The following PRELID2 variants were observed in gnomAD, a reference collection of about 807,000 sequenced individuals.
PRELID2 encodes the protein PRELI domain containing 2.
A neutral mutation model predicts 28.4 loss-of-function variants in PRELID2; 25 were observed. The observed-to-expected ratio is 0.88, with a 90% CI of 0.64 to 1.23. The LOEUF is 1.23. Among genes scored for constraint, PRELID2 ranks in the 50% most tolerant of loss-of-function variants. PRELID2 has a pLI of 0.00. For synonymous variants in PRELID2, 76 were observed against 71.6 expected, an observed-to-expected ratio of 1.06 and a Z score of -0.31; for missense variants, 201 against 214.4, an observed-to-expected ratio of 0.94 and a Z score of 0.39.
chr5:145,424,423 G>T, the PRELID2 span, among the ~76,000 whole-genome samples: 1 of 152,220 alleles, frequency 6.6e-6, no homozygotes, highest in Non-Finnish European at 1.5e-5. Context: ...GCCAGGTGCG[G>T]GATATAATCT....
chr5:145,450,392 C>T, the PRELID2 span, among the ~76,000 whole-genome samples: 24 of 152,134 alleles, frequency 1.6e-4, no homozygotes, highest in East Asian at 4.7e-3. Flanking sequence ...TAGCAGAAAG[C>T]CATGGTGGAA....
the PRELID2 span, among the ~76,000 whole-genome samples, chr5:145,245,546 C>A: frequency 6.6e-6 from 1 of 152,044 alleles, no homozygotes; most frequent in South Asian, 2.1e-4. Context: ...CAATTCCATT[C>A]CCTAGGGTGC....
the PRELID2 span, among the ~76,000 whole-genome samples, chr5:145,297,831 A>T: frequency 1.3e-5 from 2 of 151,980 alleles, no homozygotes; most frequent in African/African-American, 4.8e-5. Context: ...AATAACAGAC[A>T]AACAGAGAGC....
chr5:145,711,529 A>T (rs1755695131), intron 1 of PRELID2, among the ~76,000 whole-genome samples: 1 of 152,094 alleles, frequency 6.6e-6, no homozygotes, highest in Non-Finnish European at 1.5e-5. Flanking sequence ...CCCAGCCACA[A>T]ATCTGCAGCC....
rs966830268 is a variant in PRELID2, at chr5:145,819,941, T to C, written c.207+4A>G. On this transcript the variant is annotated splice_donor_region_variant and intron_variant, in intron 3 of 6. Transcript: ENST00000683046. ...ACTGTGATTACATTTTAAAATGAAC[T>C]TACCTTCCTTAAAATTTCTGGAACC... 3.8e-6 allele frequency: 6 copies of C among 1,559,568 alleles called. No individual in the cohort carries two copies. Among genetic ancestry groups the C allele is most frequent in the Non-Finnish European group, 5.3e-6 (6 of 1,132,642 alleles).
chr5:145,595,292 G>T (rs536119734), intron 1 of PRELID2, among the ~76,000 whole-genome samples: 2 of 151,122 alleles, frequency 1.3e-5, no homozygotes, highest in African/African-American at 4.9e-5. Context: ...TTTTTGGCAC[G>T]GCCTTTCTAT....
intron 1 of PRELID2, among the ~76,000 whole-genome samples, chr5:145,563,278 A>G (rs1260273394): frequency 6.6e-6 from 1 of 152,252 alleles, no homozygotes; most frequent in Non-Finnish European, 1.5e-5. Context: ...AACCACCCAC[A>G]GACGGGACCT....
chr5:145,822,496 T>C (rs969253028), intron 2 of PRELID2, among the ~76,000 whole-genome samples: 10 of 152,188 alleles, frequency 6.6e-5, no homozygotes, highest in Admixed American at 5.2e-4. Flanking sequence ...GCACAAGCCA[T>C]AGCTTGTCAA....
chr5:145,810,155 T>C (rs565818402), intron 4 of PRELID2, among the ~76,000 whole-genome samples: 19 of 152,368 alleles, frequency 1.2e-4, no homozygotes, highest in African/African-American at 4.1e-4. Flanking sequence ...AAAGTAAATG[T>C]GTGTGTCCTG....
At chr5:145,255,156 T>C in the PRELID2 span, among the ~76,000 whole-genome samples, 1 of 152,088 alleles carries the variant, frequency 6.6e-6, no homozygotes, top group Non-Finnish European at 1.5e-5. Context: ...ATATTTGGCA[T>C]TCAATTAAAA....
the PRELID2 span, chr5:145,229,125 A>G: frequency 3.0e-6 from 4 of 1,340,918 alleles, no homozygotes; most frequent in Non-Finnish European, 4.3e-6. Flanking sequence ...AAAAGTGGAA[A>G]CCGTCCAGCG....
At chr5:145,627,438 A>G (rs1210113470) in intron 1 of PRELID2, among the ~76,000 whole-genome samples, 1 of 152,132 alleles carries the variant, frequency 6.6e-6, no homozygotes, top group Non-Finnish European at 1.5e-5. Context: ...AGACTTCACC[A>G]CTATGGAATA....
At chr5:145,498,090 A>G (rs1752323685) in intron 1 of PRELID2, among the ~76,000 whole-genome samples, 1 of 152,170 alleles carries the variant, frequency 6.6e-6, no homozygotes, top group Non-Finnish European at 1.5e-5. Context: ...GCTCTTCATA[A>G]TCCAGCCATG....
At chr5:145,560,479 T>C (rs1434996880) in intron 1 of PRELID2, among the ~76,000 whole-genome samples, 2 of 152,206 alleles carry the variant, frequency 1.3e-5, no homozygotes, top group Admixed American at 6.5e-5. Flanking sequence ...GTAAATTAAG[T>C]AATTTATCCT....
At chr5:145,519,829 A>G (rs1054090105) in intron 1 of PRELID2, among the ~76,000 whole-genome samples, 2 of 152,242 alleles carry the variant, frequency 1.3e-5, no homozygotes, top group Non-Finnish European at 2.9e-5. Context: ...AAAATTAAAT[A>G]AAACGGGAGG....
At chr5:145,353,081 T>C in the PRELID2 span, among the ~76,000 whole-genome samples, 3 of 152,186 alleles carry the variant, frequency 2.0e-5, no homozygotes, top group Non-Finnish European at 4.4e-5. Flanking sequence ...AAGTCACTTC[T>C]ACATTTTCAG....
At chr5:145,599,780 T>C (rs1753363196) in intron 1 of PRELID2, among the ~76,000 whole-genome samples, 1 of 152,162 alleles carries the variant, frequency 6.6e-6, no homozygotes, top group South Asian at 2.1e-4. Flanking sequence ...GCAAATCAGA[T>C]ATTTTCTAGA....
chr5:145,302,539 T>TAAA, the PRELID2 span, among the ~76,000 whole-genome samples: 1 of 152,116 alleles, frequency 6.6e-6, no homozygotes, highest in Non-Finnish European at 1.5e-5. Flanking sequence ...AATCTCTTTT[T>TAAA]AATTGTGCCT....
chr5:145,272,184 C>A, the PRELID2 span, among the ~76,000 whole-genome samples: 1 of 152,078 alleles, frequency 6.6e-6, no homozygotes, highest in African/African-American at 2.4e-5. Flanking sequence ...CACCTCTGAG[C>A]ACAGAAACAG....
Sources: gnomAD v4.1 joint callset for allele counts (sites outside exome capture counted in the v4.1 genomes callset) on GRCh38, gnomAD v4.1.1 for gene constraint, MANE v1.5 for transcripts, NCBI Gene and HGNC (gene_info 2026-07-23, HGNC 2026-07-21) for gene names.